The following KIRREL1 variants were observed in gnomAD, a reference collection of about 807,000 sequenced individuals.
KIRREL1 encodes the protein kirre like nephrin family adhesion molecule 1, also known as kin of IRRE-like protein 1.
In KIRREL1, 25 loss-of-function variants were observed where a neutral mutation model predicts 83.3. The observed-to-expected ratio is 0.30, with a 90% CI of 0.22 to 0.42. The LOEUF is 0.42. Among genes scored for constraint, KIRREL1 ranks in the 10% least tolerant of loss-of-function variants. The pLI, the probability that KIRREL1 is intolerant of heterozygous loss-of-function variation, is 1.00. For missense variants in KIRREL1, 812 were observed against 1,032.3 expected (o/e 0.79, Z 2.92); for synonymous variants, 388 against 410.4 (o/e 0.95, Z 0.66).
Position 158,096,362 on chromosome 1 carries a change from T to C in KIRREL1, c.*1242T>C, listed in dbSNP as rs370542016. On this transcript the variant is annotated 3_prime_UTR_variant, in exon 15 of 15. Coordinates refer to ENST00000359209, the MANE Select transcript of KIRREL1 (RefSeq NM_018240.7). ...GGTATGGGAGACAGGTTTTGGTTTTTAAGTGTCTTTTTTTTTTTTCTTGGA... is the reference window on the plus strand; with the variant it reads ...GGTATGGGAGACAGGTTTTGGTTTTCAAGTGTCTTTTTTTTTTTTCTTGGA... The C allele has an allele frequency of 2.0e-5, 7 of 354,552 alleles. No homozygotes were observed. In the East Asian group the frequency reaches 4.4e-4, roughly 22 times the overall value. 22.0% of individuals were successfully genotyped at this position (354,552 alleles called of 1,614,324 possible). A position where few individuals can be genotyped will look rare whatever the true frequency, so the allele number is the denominator to read the frequency against.
At chr1:158,010,867 G>T (rs1358536912) in intron 1 of KIRREL1, among the ~76,000 whole-genome samples, 4 of 152,138 alleles carry the variant, frequency 2.6e-5, no homozygotes. Flanking sequence ...GCTCTCCCAA[G>T]AGGAGAAATT....
chr1:158,018,161 T>C (rs188677453), intron 1 of KIRREL1, among the ~76,000 whole-genome samples: 4 of 151,902 alleles, frequency 2.6e-5, no homozygotes, highest in Admixed American at 1.3e-4. Context: ...AGAGGAAGAA[T>C]TGGGGGGGTG....
Position 158,094,463 on chromosome 1 carries a change from G to C in KIRREL1, c.1797+73G>C. Reference sequence around the variant, plus strand: ...GGTTTCTGAGGTCCTGTAGCGGGGAGGTGAGGTGAGGACAGACTTGGGGAG... The same window carrying C: ...GGTTTCTGAGGTCCTGTAGCGGGGACGTGAGGTGAGGACAGACTTGGGGAG... On this transcript the variant is annotated intron_variant, in intron 14 of 14. Coordinates refer to ENST00000359209, the MANE Select transcript of KIRREL1 (RefSeq NM_018240.7). This position sits in a 1 kb window ranked among gnomAD's most constrained non-coding sequence, Gnocchi z 4.6. 6.8e-7 allele frequency: 1 copy of C among 1,464,146 alleles called. No homozygotes were observed. Among genetic ancestry groups the C allele is most frequent in the Admixed American group, 1.8e-5 (1 of 56,568 alleles). 90.7% of individuals were successfully genotyped at this position (1,464,146 alleles called of 1,614,324 possible).
At chr1:158,059,954 G>A (rs1176671439) in intron 1 of KIRREL1, among the ~76,000 whole-genome samples, 3 of 152,118 alleles carry the variant, frequency 2.0e-5, no homozygotes, top group Non-Finnish European at 2.9e-5. Context: ...TTGGGGTTAG[G>A]GTTGAAGTGG....
intron 11 of KIRREL1, among the ~76,000 whole-genome samples, chr1:158,092,301 G>A (rs1026010035): frequency 1.3e-5 from 2 of 150,012 alleles, no homozygotes; most frequent in African/African-American, 2.4e-5. Flanking sequence ...TGACATAGGA[G>A]ATGGAGAACC....
In KIRREL1 at chr1:158,047,020, G is replaced by C. The variant is rs529567991; in HGVS notation, c.53-29093G>C. 2.3e-3 allele frequency among the ~76,000 whole-genome samples: 348 copies of C among 152,302 alleles called. 4 individuals are homozygous for C. Among genetic ancestry groups the C allele is most frequent in the Middle Eastern group, 6.8e-3 (2 of 294 alleles). On this transcript the variant is annotated intron_variant, in intron 1 of 14. Coordinates refer to ENST00000359209, the MANE Select transcript of KIRREL1 (RefSeq NM_018240.7). ...TAAGAAACTAGGGATGTTTGGTCAT[G>C]AGAAGAGGAGACTCCAGGGATATGT... is the stretch of plus-strand genomic sequence containing the variant.
chr1:158,050,282 G>T (rs1051998832), intron 1 of KIRREL1, among the ~76,000 whole-genome samples: 2 of 151,944 alleles, frequency 1.3e-5, no homozygotes, highest in Non-Finnish European at 2.9e-5. Flanking sequence ...TTCTGCAGGG[G>T]GTTAAGGAAA....
At chr1:158,017,818 C>G (rs1376819616) in intron 1 of KIRREL1, among the ~76,000 whole-genome samples, 1 of 151,484 alleles carries the variant, frequency 6.6e-6, no homozygotes, top group Non-Finnish European at 1.5e-5. Flanking sequence ...GGCAGCCCTC[C>G]CTCTCAATCT....
intron 4 of KIRREL1, 84 bp downstream of exon 4, chr1:158,084,663 C>A: frequency 7.2e-7 from 1 of 1,394,468 alleles, no homozygotes; most frequent in Non-Finnish European, 9.8e-7. Flanking sequence ...ACCACAGACT[C>A]AGGAGCACAC....
At chr1:158,011,291 G>A (rs1016141058) in intron 1 of KIRREL1, among the ~76,000 whole-genome samples, 16 of 152,210 alleles carry the variant, frequency 1.1e-4, no homozygotes, top group Non-Finnish European at 1.5e-5. Flanking sequence ...TTTGTTAAAA[G>A]CAAAACTAAC....
chr1:158,077,894 G>T, intron 2 of KIRREL1, 97 bp from the exon 3 acceptor site: 3 of 1,368,154 alleles, frequency 2.2e-6, no homozygotes, highest in South Asian at 2.6e-5. Context: ...CCTGTCAGTG[G>T]TGTCCCAGGA....
chr1:158,050,281 G>A (rs998658500), intron 1 of KIRREL1, among the ~76,000 whole-genome samples: 15 of 152,024 alleles, frequency 9.9e-5, no homozygotes, highest in Non-Finnish European at 1.2e-4. Flanking sequence ...GTTCTGCAGG[G>A]GGTTAAGGAA....
chr1:158,041,689 C>T (rs909324657), intron 1 of KIRREL1, among the ~76,000 whole-genome samples: 2 of 152,198 alleles, frequency 1.3e-5, no homozygotes, highest in African/African-American at 2.4e-5. Flanking sequence ...CTATCTCAGT[C>T]CTCTCCCAAA....
intron 1 of KIRREL1, among the ~76,000 whole-genome samples, chr1:158,040,760 G>A (rs913437587): frequency 6.6e-6 from 1 of 152,224 alleles, no homozygotes; most frequent in African/African-American, 2.4e-5. Context: ...ATTCAGAGGA[G>A]GAGGGCTGGA....
chr1:157,997,718 G>A (rs146788407), intron 1 of KIRREL1, among the ~76,000 whole-genome samples: 78 of 152,244 alleles, frequency 5.1e-4, no homozygotes, highest in Middle Eastern at 3.4e-3. Context: ...AATGAGGAGG[G>A]ACACTAGCCC....
chr1:158,040,028 T>C (rs538732329), intron 1 of KIRREL1, among the ~76,000 whole-genome samples: 1 of 152,322 alleles, frequency 6.6e-6, no homozygotes, highest in Admixed American at 6.5e-5. Context: ...GCACAAGGGG[T>C]TCTCCAGTGG....
At chr1:158,044,275 C>A (rs1175387483) in intron 1 of KIRREL1, among the ~76,000 whole-genome samples, 1 of 152,096 alleles carries the variant, frequency 6.6e-6, no homozygotes, top group East Asian at 1.9e-4. Flanking sequence ...AGAGCCAGGT[C>A]AGGCTTAATG....
chr1:158,046,595 C>A (rs1419365706), intron 1 of KIRREL1, among the ~76,000 whole-genome samples: 4 of 151,846 alleles, frequency 2.6e-5, no homozygotes, highest in African/African-American at 9.7e-5. Context: ...CAGGACCCTT[C>A]AACAAGAAGA....
At chr1:158,044,797 A>C (rs1660731902) in intron 1 of KIRREL1, among the ~76,000 whole-genome samples, 1 of 152,172 alleles carries the variant, frequency 6.6e-6, no homozygotes, top group African/African-American at 2.4e-5. Flanking sequence ...AGCAATTAAC[A>C]CAAAGAAAAA....
Sources: allele counts gnomAD v4.1 joint callset (sites outside exome capture counted in the v4.1 genomes callset), GRCh38; gene constraint gnomAD v4.1.1; non-coding constraint Gnocchi (gnomAD v3.1); transcripts MANE v1.5; gene names NCBI Gene and HGNC (gene_info 2026-07-23, HGNC 2026-07-21).